RIMBP2: variants seen among roughly 807,000 people sequenced by gnomAD.
RIMBP2 encodes the protein RIMS binding protein 2.
In RIMBP2, 48 loss-of-function variants were observed where a neutral mutation model predicts 118.6. The ratio of observed to expected loss-of-function variants is 0.40; its 90% confidence interval spans 0.32 to 0.51. The LOEUF is 0.51. Ranked by LOEUF, RIMBP2 falls within the 20% of genes least tolerant of loss-of-function variation. The probability of loss-of-function intolerance (pLI) is 0.41; values close to 1 mark genes in which losing one functional copy is unlikely to be tolerated. For missense variants in RIMBP2, 1,551 were observed against 1,768.3 expected, an observed-to-expected ratio of 0.88 and a Z score of 2.20; for synonymous variants, 762 against 742.9, an observed-to-expected ratio of 1.03 and a Z score of -0.42.
At chr12:130,489,500 G>A (rs994843587) in intron 4 of RIMBP2, among the ~76,000 whole-genome samples, 1 of 152,192 alleles carries the variant, frequency 6.6e-6, no homozygotes, top group African/African-American at 2.4e-5. Flanking sequence ...ATCGGCGGGA[G>A]GGAAGCCAGG....
rs561191380 is a variant in RIMBP2, at chr12:130,676,471, A to G, written c.-352+39751T>C. 1.2e-3 allele frequency among the ~76,000 whole-genome samples: 176 copies of G among 151,976 alleles called. 2 individuals are homozygous for G. Among genetic ancestry groups the G allele is most frequent in the African/African-American group, 4.2e-3 (173 of 41,444 alleles). ...AACCCCATCTCTACTAAAAATACAAAAATTAGCTGGGTGTGGTGGTATGTG... is the reference window on the plus strand; with the variant it reads ...AACCCCATCTCTACTAAAAATACAAGAATTAGCTGGGTGTGGTGGTATGTG... On this transcript the variant is annotated intron_variant, in intron 1 of 22. Coordinates refer to ENST00000690449, the MANE Select transcript of RIMBP2 (RefSeq NM_001393629.1).
intron 2 of RIMBP2, among the ~76,000 whole-genome samples, chr12:130,586,461 T>G (rs73156946): frequency 0.043 from 6,456 of 151,880 alleles, 197 homozygotes; most frequent in Non-Finnish European, 0.069. Context: ...TCAAAAAGAA[T>G]AAGAAGAAGA....
In RIMBP2 at chr12:130,456,490, G is replaced by A. The variant is rs751112233; in HGVS notation, c.358+6C>T. The A allele has an allele frequency of 1.5e-5, 23 of 1,575,952 alleles. No individual in the cohort carries two copies. The highest frequency in any genetic ancestry group is 6.7e-5 in the African/African-American group (5 of 74,216). On this transcript the variant is annotated splice_donor_region_variant and intron_variant, in intron 7 of 22. Transcript: ENST00000690449. ...CACAGCCAAGGCGGAAGGTCCAGGC[G>A]CTTACCTTTGCCGAGGGAGGTGGCT... is the stretch of plus-strand genomic sequence containing the variant.
At chr12:130,438,334 A>ATCCGGGGGGGC in intron 12 of RIMBP2, 31 bp downstream of exon 12, 2 of 1,344,518 alleles carry the variant, frequency 1.5e-6, no homozygotes, top group Non-Finnish European at 2.1e-6. Context: ...GGGCCTAACA[A>ATCCGGGGGGGC]ACCCTCCCCA....
chr12:130,539,981 A>G lies in RIMBP2; in HGVS notation c.-216-22064T>C, dbSNP rs541539806. ...GAGGTGGCCAGGTGTAGGATATGGC[A>G]AATGCAGTCGATGAGGTGGCCAGGT... On this transcript the variant is annotated intron_variant, in intron 2 of 22. Coordinates refer to ENST00000690449, the MANE Select transcript of RIMBP2 (RefSeq NM_001393629.1). 1.4e-4 allele frequency among the ~76,000 whole-genome samples: 14 copies of G among 103,146 alleles called. 2 individuals are homozygous for G. In the South Asian group the frequency reaches 5.5e-3, roughly 40 times the overall value. The allele number at this position is 103,146 out of a possible 152,430, so 67.7% of individuals were successfully genotyped here.
Position 130,442,919 on chromosome 12 carries a change from C to T in RIMBP2, c.692-259G>A, listed in dbSNP as rs2078248983. ...ACCTGAAACCATCATGTTTGTGTAT[C>T]CGTGTACGTACACTGACTACCCCCT... On this transcript the variant is annotated intron_variant, in intron 10 of 22. Coordinates refer to ENST00000690449, the MANE Select transcript of RIMBP2 (RefSeq NM_001393629.1). The surrounding 1 kb of genome is among the most constrained non-coding windows in gnomAD (Gnocchi z 6.9). Among the ~76,000 whole-genome samples, 1 of 152,166 alleles carries T rather than the reference C, an allele frequency of 6.6e-6. No homozygotes were observed. The highest frequency in any genetic ancestry group is 1.5e-5 in the Non-Finnish European group (1 of 68,040).
At chr12:130,609,738 T>C (rs1239519446) in intron 2 of RIMBP2, among the ~76,000 whole-genome samples, 1 of 152,118 alleles carries the variant, frequency 6.6e-6, no homozygotes, top group Non-Finnish European at 1.5e-5. Context: ...GCCAACGGTA[T>C]CGCTCCCAGC....
intron 6 of RIMBP2, chr12:130,465,146 G>A (rs985578814): frequency 2.0e-5 from 3 of 152,230 alleles, no homozygotes; most frequent in African/African-American, 7.2e-5. Context: ...CCAGACGCCT[G>A]CGGGGAGGTA....
In RIMBP2 at chr12:130,442,493, G is replaced by C. The variant is rs776302959; in HGVS notation, c.859C>G (p.Pro287Ala). 9.9e-6 allele frequency: 16 copies of C among 1,614,182 alleles called. No homozygotes were observed. Among genetic ancestry groups the C allele is most frequent in the Non-Finnish European group, 1.4e-5 (16 of 1,180,032 alleles). Reference sequence around the variant, plus strand: ...GTGATGCCCGCATCTATGTGGGTTGGGGAGTGGAGGTCCAGGATGTGCTCT... The same window carrying C: ...GTGATGCCCGCATCTATGTGGGTTGCGGAGTGGAGGTCCAGGATGTGCTCT... Reference protein sequence around the residue: ...EGEHILDLHSPTHIDAGITDN... With the variant: ...EGEHILDLHSATHIDAGITDN... The change falls in exon 11 of 23, where the codon CCA becomes GCA. Residue 287 changes from proline (P) to alanine (A), a missense_variant. Around this residue, in one of 5 missense-constraint regions of RIMBP2, gnomAD observed 265 missense variants for 349.5 expected, o/e 0.76. Transcript: ENST00000690449. This position sits in a 1 kb window ranked among gnomAD's most constrained non-coding sequence, Gnocchi z 6.9.
intron 7 of RIMBP2, among the ~76,000 whole-genome samples, chr12:130,453,492 A>G (rs1400613177): frequency 1.3e-5 from 2 of 152,254 alleles, no homozygotes; most frequent in Admixed American, 6.5e-5. Context: ...ATGGGATGTT[A>G]TCCGGCCTCA....
At chr12:130,699,891 T>A (rs1342491205) in intron 1 of RIMBP2, among the ~76,000 whole-genome samples, 2 of 122,920 alleles carry the variant, frequency 1.6e-5, no homozygotes, top group Non-Finnish European at 3.3e-5. Flanking sequence ...GGTGATGGTG[T>A]GAGACTCTGT....
Position 130,487,043 on chromosome 12 carries a change from T to C in RIMBP2, c.-3-8027A>G, listed in dbSNP as rs185718519. Among the ~76,000 whole-genome samples the C allele has an allele frequency of 3.8e-4, 58 of 152,376 alleles. No homozygotes were observed. In the East Asian group the frequency reaches 7.3e-3, roughly 19 times the overall value. On this transcript the variant is annotated intron_variant, in intron 4 of 22. Coordinates refer to ENST00000690449, the MANE Select transcript of RIMBP2 (RefSeq NM_001393629.1). The stretch of plus-strand genomic sequence containing the variant: ...CCTGGCTGCAGCCAACAGGCTCCTC[T>C]GTGATCCAGCCTCTTCTCTGCCCTC...
At chr12:130,715,756 C>T (rs1249882983) in intron 1 of RIMBP2, among the ~76,000 whole-genome samples, 1 of 11,294 alleles carries the variant, frequency 8.9e-5, no homozygotes, top group African/African-American at 2.1e-4. Context: ...ACGTCCCCTT[C>T]CCCCCCTCCA....
intron 2 of RIMBP2, among the ~76,000 whole-genome samples, chr12:130,602,450 G>A (rs1425568106): frequency 6.6e-6 from 1 of 152,210 alleles, no homozygotes; most frequent in Non-Finnish European, 1.5e-5. Context: ...CCATTTGGGG[G>A]AGGTTTCTTG....
Position 130,469,320 on chromosome 12 carries a change from G to A in RIMBP2, c.153+1373C>T, listed in dbSNP as rs1443478859. Among the ~76,000 whole-genome samples the A allele has an allele frequency of 1.3e-5, 2 of 152,328 alleles. No individual in the cohort carries two copies. The highest frequency in any genetic ancestry group is 6.5e-5 in the Admixed American group (1 of 15,302). On this transcript the variant is annotated intron_variant, in intron 6 of 22. Transcript: ENST00000690449. The surrounding 1 kb of genome is among the most constrained non-coding windows in gnomAD (Gnocchi z 4.8). ...TGAAAGCATGCACCACCAGCAGCACGGGGTGACAGGTGACAGCGGGATCAT... is the reference window on the plus strand; with the variant it reads ...TGAAAGCATGCACCACCAGCAGCACAGGGTGACAGGTGACAGCGGGATCAT...
intron 1 of RIMBP2, among the ~76,000 whole-genome samples, chr12:130,685,631 A>T (rs886185012): frequency 6.6e-6 from 1 of 152,078 alleles, no homozygotes; most frequent in African/African-American, 2.4e-5. Flanking sequence ...GCTCATGGCA[A>T]TGCTGGAGTC....
At chr12:130,445,347 CG>C (rs2078441915) in intron 9 of RIMBP2, 78 bp from the exon 10 acceptor site, 1 of 943,780 alleles carries the variant, frequency 1.1e-6, no homozygotes, top group Non-Finnish European at 1.6e-6. Flanking sequence ...GAACGCCAGA[CG>C]GGCACATGGC....
intron 2 of RIMBP2, among the ~76,000 whole-genome samples, chr12:130,588,652 T>C (rs2059068796): frequency 6.6e-6 from 1 of 152,086 alleles, no homozygotes; most frequent in Non-Finnish European, 1.5e-5. Context: ...AGAAAGCGAG[T>C]CCAATGCCAT....
At chr12:130,573,853 CA>C (rs1202489687) in intron 2 of RIMBP2, among the ~76,000 whole-genome samples, 3 of 152,112 alleles carry the variant, frequency 2.0e-5, no homozygotes, top group African/African-American at 7.2e-5. Flanking sequence ...ACAGAAATCC[CA>C]TCCCCAGCAA....
Sources: gnomAD v4.1 joint callset for allele counts (sites outside exome capture counted in the v4.1 genomes callset) on GRCh38, gnomAD v4.1.1 for gene constraint, gnomAD v4.1.1 regional missense constraint, Gnocchi (gnomAD v3.1) non-coding constraint, MANE v1.5 for transcripts, NCBI Gene and HGNC (gene_info 2026-07-23, HGNC 2026-07-21) for gene names.